The following ALDH1L2 variants were observed in gnomAD, a reference collection of about 807,000 sequenced individuals.
ALDH1L2 encodes aldehyde dehydrogenase 1 family member L2.
In ALDH1L2, 91 loss-of-function variants were observed where a neutral mutation model predicts 111.0. The ratio of observed to expected loss-of-function variants is 0.82; its 90% confidence interval spans 0.69 to 0.98. The LOEUF (loss-of-function observed/expected upper bound fraction) is 0.98, where lower values mean the gene tolerates loss of function less well. Ranked by LOEUF, ALDH1L2 falls within the 50% of genes least tolerant of loss-of-function variation. The pLI is 0.00. For synonymous variants in ALDH1L2, 374 were observed against 392.6 expected (o/e 0.95, Z 0.56); for missense variants, 995 against 1,126.8 (o/e 0.88, Z 1.67).
intron 12 of ALDH1L2, chr12:105,050,669 C>G: frequency 2.2e-6 from 1 of 454,462 alleles, no homozygotes; most frequent in Non-Finnish European, 4.4e-6. Context: ...CTCCGACAAT[C>G]TTTGTTCCAG....
chr12:105,069,364 G>T (rs1216003642), intron 3 of ALDH1L2, among the ~76,000 whole-genome samples: 1 of 152,206 alleles, frequency 6.6e-6, no homozygotes, highest in Admixed American at 6.5e-5. Flanking sequence ...AATACAGAGG[G>T]AGTATGATGG....
At chr12:105,025,494 T>TCTC (rs980693653) in intron 22 of ALDH1L2, among the ~76,000 whole-genome samples, 1 of 152,034 alleles carries the variant, frequency 6.6e-6, no homozygotes, top group Non-Finnish European at 1.5e-5. Flanking sequence ...CCTAAGAAAG[T>TCTC]CTCCTACAGT....
Position 105,026,599 on chromosome 12 carries a change from C to G in ALDH1L2, c.2662G>C (p.Asp888His). 3 of 1,614,200 alleles carry G rather than the reference C, an allele frequency of 1.9e-6. No individual in the cohort carries two copies. The highest frequency in any genetic ancestry group is 2.5e-6 in the Non-Finnish European group (3 of 1,180,024). The change falls in exon 22 of 23, where the codon GAT becomes CAT. Residue 888 changes from aspartate (D) to histidine (H), a missense_variant. Physicochemically the swap from Asp to His is moderately conservative, Grantham distance 81. Transcript: ENST00000258494. ...TVFINTYNKTDVAAPFGGVKQ... is the reference protein window; with the variant it reads ...TVFINTYNKTHVAAPFGGVKQ... ...ACTCCGCCAAATGGGGCCGCCACAT[C>G]TGTCTTGTTGTATGTGTTAATAAAA...
At chr12:105,062,140 A>G (rs1324061777) in intron 7 of ALDH1L2, among the ~76,000 whole-genome samples, 1 of 152,258 alleles carries the variant, frequency 6.6e-6, no homozygotes, top group African/African-American at 2.4e-5. Context: ...TGCTTGCTTC[A>G]GCAGCACATA....
In ALDH1L2 at chr12:105,077,720, C is replaced by T. The variant is rs76995824; in HGVS notation, c.49-3715G>A. 4.5e-3 allele frequency among the ~76,000 whole-genome samples: 670 copies of T among 147,926 alleles called. 21 individuals carry two copies. In the East Asian group the frequency reaches 0.078, roughly 17 times the overall value. ...TTCAGGAAGCAAGTTAATACAGACC[C>T]TGACTATGCTCCAAGAATTAAAAAA... On this transcript the variant is annotated intron_variant, in intron 1 of 22. Coordinates refer to ENST00000258494, the MANE Select transcript of ALDH1L2 (RefSeq NM_001034173.4).
At chr12:105,033,000 A>C (rs1874791199) in intron 19 of ALDH1L2, among the ~76,000 whole-genome samples, 1 of 152,188 alleles carries the variant, frequency 6.6e-6, no homozygotes, top group South Asian at 2.1e-4. Context: ...CTCCTCAGTT[A>C]TCTTAACCTA....
In ALDH1L2 at chr12:105,020,953, C is replaced by G. The variant is rs142273839; in HGVS notation, c.*3471G>C. 6.6e-6 allele frequency: 1 copy of G among 152,202 alleles called. No homozygotes were observed. The highest frequency in any genetic ancestry group is 2.4e-5 in the African/African-American group (1 of 41,440). The allele number at this position is 152,202 out of a possible 1,614,324, so 9.4% of individuals were successfully genotyped here. ...AATGCTACAAATGAGGGTTTTCTCC[C>G]CCGTCCCGGAGAACTATTTGTTAAA... On this transcript the variant is annotated 3_prime_UTR_variant, in exon 23 of 23. Coordinates refer to ENST00000258494, the MANE Select transcript of ALDH1L2 (RefSeq NM_001034173.4).
intron 1 of ALDH1L2, among the ~76,000 whole-genome samples, chr12:105,079,635 G>T (rs1441431520): frequency 6.6e-6 from 1 of 152,038 alleles, no homozygotes; most frequent in Non-Finnish European, 1.5e-5. Flanking sequence ...AGAGAGGCAG[G>T]ATTTCCATGC....
intron 2 of ALDH1L2, among the ~76,000 whole-genome samples, chr12:105,072,967 C>G (rs1290164059): frequency 6.6e-6 from 1 of 152,212 alleles, no homozygotes; most frequent in Non-Finnish European, 1.5e-5. Context: ...GAGTTAGACT[C>G]TGTCTCAAAA....
chr12:105,041,114 A>G (rs1875505588), intron 15 of ALDH1L2, among the ~76,000 whole-genome samples: 1 of 152,232 alleles, frequency 6.6e-6, no homozygotes, highest in Admixed American at 6.5e-5. Context: ...GAGATTAACA[A>G]TTGATAGAAT....
intron 4 of ALDH1L2, among the ~76,000 whole-genome samples, chr12:105,068,023 T>C (rs1425551591): frequency 6.6e-6 from 1 of 152,022 alleles, no homozygotes; most frequent in African/African-American, 2.4e-5. Flanking sequence ...AAAGAAGAGG[T>C]AGAATGGAAA....
In ALDH1L2 at chr12:105,040,676, A is replaced by T. The variant is rs1274634638; in HGVS notation, c.1882T>A (p.Leu628Met). 1.2e-6 allele frequency: 2 copies of T among 1,614,114 alleles called. No homozygotes were observed. Among genetic ancestry groups the T allele is most frequent in the South Asian group, 1.1e-5 (1 of 91,084 alleles). The change falls in exon 16 of 23, where the codon TTG becomes ATG. Residue 628 changes from leucine to methionine, a missense_variant. Coordinates refer to ENST00000258494, the MANE Select transcript of ALDH1L2 (RefSeq NM_001034173.4). ...KPAQVTPLTA[L>M]KFAELSVKAG... Reference sequence around the variant, plus strand: ...TTCACAGACAGTTCTGCAAACTTCAAAGCAGTCAAGGGCGTGACCTGAGGA... The same window carrying T: ...TTCACAGACAGTTCTGCAAACTTCATAGCAGTCAAGGGCGTGACCTGAGGA...
At chr12:105,049,746 T>C (rs1876134270) in intron 13 of ALDH1L2, 162 bp downstream of exon 13, 1 of 708,866 alleles carries the variant, frequency 1.4e-6, no homozygotes, top group South Asian at 3.1e-5. Flanking sequence ...ATAAATTACC[T>C]AGTCTCAGGT....
At chr12:105,064,599 G>T (rs1025019571) in intron 6 of ALDH1L2, among the ~76,000 whole-genome samples, 2 of 152,142 alleles carry the variant, frequency 1.3e-5, no homozygotes, top group Admixed American at 6.5e-5. Flanking sequence ...GTGTTGGGGG[G>T]AATAAAGAGA....
rs1875126425 is a variant in ALDH1L2 at position 105,036,513 on chromosome 12, TTTATATATATATATA to T, written c.2145+1575_2145+1589del. Among the ~76,000 whole-genome samples, 12 of 53,846 alleles carry T rather than the reference TTTATATATATATATA, an allele frequency of 2.2e-4. 1 individual carries two copies. The highest frequency in any genetic ancestry group is 6.6e-4 in the South Asian group (1 of 1,510). 35.3% of individuals were successfully genotyped at this position (53,846 alleles called of 152,430 possible). On this transcript the variant is annotated intron_variant, in intron 18 of 22. Coordinates refer to ENST00000258494, the MANE Select transcript of ALDH1L2 (RefSeq NM_001034173.4). Reference sequence around the variant, plus strand: ...TATATTTATATATGTATATATATATTTTATATATATATATATATATATATATATATATATATATAT... The same window carrying T: ...TATATTTATATATGTATATATATATTTATATATATATATATATATATATAT...
At chr12:105,070,922 G>T in intron 2 of ALDH1L2, 118 bp from the exon 3 acceptor site, 1 of 855,842 alleles carries the variant, frequency 1.2e-6, no homozygotes, top group East Asian at 2.7e-5. Context: ...ACATGGTGAA[G>T]AACAATTTAG....
intron 6 of ALDH1L2, among the ~76,000 whole-genome samples, chr12:105,063,971 T>G (rs1319735148): frequency 1.6e-4 from 24 of 150,110 alleles, no homozygotes; most frequent in African/African-American, 5.6e-4. Flanking sequence ...TTAATTCTTT[T>G]TTTTTTTTTT....
chr12:105,061,555 C>T, intron 8 of ALDH1L2, 72 bp downstream of exon 8: 1 of 1,587,324 alleles, frequency 6.3e-7, no homozygotes, highest in South Asian at 1.1e-5. Flanking sequence ...ACTTTGAGGA[C>T]TGATGGTACC....
chr12:105,070,878 A>G (rs1296275343), intron 2 of ALDH1L2, 74 bp from the exon 3 acceptor site: 2 of 1,213,046 alleles, frequency 1.6e-6, no homozygotes, highest in African/African-American at 3.1e-5. Context: ...CATATGTTGT[A>G]ATTTTACAGT....
Sources: allele counts gnomAD v4.1 joint callset (sites outside exome capture counted in the v4.1 genomes callset), GRCh38; gene constraint gnomAD v4.1.1; transcripts MANE v1.5; gene names NCBI Gene and HGNC (gene_info 2026-07-23, HGNC 2026-07-21).